The following PRKCA variants were observed in gnomAD, a reference collection of about 807,000 sequenced individuals.
The protein encoded by PRKCA is protein kinase C alpha type.
Under a neutral mutation model 87.0 loss-of-function variants are expected in PRKCA, and 27 were observed. The ratio of observed to expected loss-of-function variants is 0.31; its 90% confidence interval spans 0.23 to 0.43. The LOEUF (loss-of-function observed/expected upper bound fraction) is 0.43, where lower values mean the gene tolerates loss of function less well. Among genes scored for constraint, PRKCA ranks in the 20% least tolerant of loss-of-function variants. The pLI is 1.00. For missense variants in PRKCA, 518 were observed against 852.3 expected (o/e 0.61, Z 4.88); for synonymous variants, 329 against 311.1 (o/e 1.06, Z -0.61).
intron 2 of PRKCA, among the ~76,000 whole-genome samples, chr17:66,391,283 G>A (rs1163438990): frequency 6.6e-6 from 1 of 152,120 alleles, no homozygotes; most frequent in Non-Finnish European, 1.5e-5. Flanking sequence ...TACTTTGTTC[G>A]TTTATTACAC....
intron 2 of PRKCA, among the ~76,000 whole-genome samples, chr17:66,434,899 A>G (rs1742549128): frequency 6.6e-6 from 1 of 152,214 alleles, no homozygotes; most frequent in African/African-American, 2.4e-5. Flanking sequence ...AGAACACAGT[A>G]ACTATCCCAT....
intron 3 of PRKCA, among the ~76,000 whole-genome samples, chr17:66,596,778 T>G (rs1376774438): frequency 2.6e-5 from 2 of 76,090 alleles, no homozygotes; most frequent in East Asian, 3.6e-4. Context: ...CCCCTTCCTG[T>G]GTCCATGTGA....
chr17:66,388,624 C>T (rs914424997), intron 2 of PRKCA, among the ~76,000 whole-genome samples: 1 of 152,142 alleles, frequency 6.6e-6, no homozygotes, highest in Admixed American at 6.5e-5. Flanking sequence ...CCATAGTTCT[C>T]TTGGAGAATT....
At chr17:66,360,426 T>A (rs1908319217) in intron 2 of PRKCA, among the ~76,000 whole-genome samples, 1 of 152,200 alleles carries the variant, frequency 6.6e-6, no homozygotes, top group South Asian at 2.1e-4. Flanking sequence ...TCATAGGCAT[T>A]GCCACAGTAT....
At chr17:66,591,419 A>T (rs1238279606) in intron 3 of PRKCA, among the ~76,000 whole-genome samples, 2 of 151,934 alleles carry the variant, frequency 1.3e-5, no homozygotes, top group African/African-American at 4.8e-5. Flanking sequence ...TTGGTCTCCC[A>T]GGGTGTTAGG....
At chr17:66,445,729 G>T (rs1914001112) in intron 2 of PRKCA, among the ~76,000 whole-genome samples, 1 of 152,170 alleles carries the variant, frequency 6.6e-6, no homozygotes, top group Non-Finnish European at 1.5e-5. Flanking sequence ...GCCAGAGGCA[G>T]AAGTGCTGCT....
At chr17:66,325,744 ATCCTT>A (rs1402930175) in intron 2 of PRKCA, among the ~76,000 whole-genome samples, 2 of 152,080 alleles carry the variant, frequency 1.3e-5, no homozygotes, top group Non-Finnish European at 2.9e-5. Context: ...CTTACTCCGA[ATCCTT>A]TGAGCTACCT....
At chr17:66,645,025 A>G (rs189816018) in intron 4 of PRKCA, among the ~76,000 whole-genome samples, 42 of 152,236 alleles carry the variant, frequency 2.8e-4, no homozygotes, top group Admixed American at 1.9e-3. Flanking sequence ...TAACATTTTC[A>G]TATTATTTTG....
At chr17:66,757,454 A>G (rs1598921034) in intron 13 of PRKCA, among the ~76,000 whole-genome samples, 1 of 152,194 alleles carries the variant, frequency 6.6e-6, no homozygotes, top group East Asian at 1.9e-4. Flanking sequence ...AGCTAGGCAT[A>G]TCATATTCAA....
rs1482468988 is a variant in PRKCA at position 66,803,730 on chromosome 17, G to T, written c.1855-143G>T. 23 of 1,108,374 alleles carry T rather than the reference G, an allele frequency of 2.1e-5. No homozygotes were observed. The highest frequency in any genetic ancestry group is 2.8e-5 in the Non-Finnish European group (22 of 793,452). The allele number at this position is 1,108,374 out of a possible 1,614,324, so 68.7% of individuals were successfully genotyped here. A position where few individuals can be genotyped will look rare whatever the true frequency, so the allele number is the denominator to read the frequency against. ...TGTGCCTGGCTTTTCAATCCAATAG[G>T]CCTGCAAGTCCTCCGAGATTCCTCC... On this transcript the variant is annotated intron_variant, in intron 16 of 16. Coordinates refer to ENST00000413366, the MANE Select transcript of PRKCA (RefSeq NM_002737.3). The surrounding 1 kb of genome is among the most constrained non-coding windows in gnomAD (Gnocchi z 4.4).
At chr17:66,432,101 T>C (rs1485445458) in intron 2 of PRKCA, among the ~76,000 whole-genome samples, 1 of 152,144 alleles carries the variant, frequency 6.6e-6, no homozygotes, top group Non-Finnish European at 1.5e-5. Context: ...CAAGGTAAAT[T>C]TATTACTCAT....
intron 3 of PRKCA, among the ~76,000 whole-genome samples, chr17:66,627,589 A>G (rs1970891035): frequency 1.3e-5 from 2 of 152,210 alleles, no homozygotes; most frequent in African/African-American, 4.8e-5. Context: ...TATACTTGTG[A>G]TGGTGCTTTT....
chr17:66,312,036 C>T (rs1219008915), intron 2 of PRKCA, among the ~76,000 whole-genome samples: 1 of 152,142 alleles, frequency 6.6e-6, no homozygotes, highest in African/African-American at 2.4e-5. Flanking sequence ...GGCTGCGGTG[C>T]AATGGTGCAA....
intron 16 of PRKCA, among the ~76,000 whole-genome samples, chr17:66,793,604 AAAAAAAAAAAAAC>A (rs1975595739): frequency 6.6e-6 from 1 of 151,342 alleles, no homozygotes; most frequent in African/African-American, 2.4e-5. Context: ...AAAAAAAAAA[AAAAAAAAAAAAAC>A]CGGAATGTTC....
At chr17:66,407,711 T>TA (rs112199964) in intron 2 of PRKCA, among the ~76,000 whole-genome samples, 32 of 147,334 alleles carry the variant, frequency 2.2e-4, no homozygotes, top group East Asian at 1.2e-3. Flanking sequence ...ATTTTTTGTT[T>TA]AAAAAAAAAA....
At chr17:66,694,252 G>A (rs1273056980) in intron 8 of PRKCA, among the ~76,000 whole-genome samples, 1 of 152,026 alleles carries the variant, frequency 6.6e-6, no homozygotes, top group African/African-American at 2.4e-5. Context: ...GGGAGGCCAG[G>A]GTGCTGGATC....
chr17:66,569,156 C>G (rs1968988907), intron 3 of PRKCA, among the ~76,000 whole-genome samples: 1 of 151,996 alleles, frequency 6.6e-6, no homozygotes, highest in Non-Finnish European at 1.5e-5. Flanking sequence ...AGAACTAACC[C>G]TAAAGGAAAA....
chr17:66,550,428 A>T (rs559637670), intron 3 of PRKCA, among the ~76,000 whole-genome samples: 6 of 152,184 alleles, frequency 3.9e-5, no homozygotes, highest in Non-Finnish European at 7.3e-5. Flanking sequence ...AGGCAGGTAG[A>T]TCACCTGAGT....
intron 2 of PRKCA, among the ~76,000 whole-genome samples, chr17:66,480,698 T>C (rs534051793): frequency 3.9e-5 from 6 of 152,260 alleles, no homozygotes; most frequent in Admixed American, 2.0e-4. Context: ...CATTCCACCA[T>C]TGATTGAAAC....
Sources: allele counts gnomAD v4.1 joint callset (sites outside exome capture counted in the v4.1 genomes callset), GRCh38; gene constraint gnomAD v4.1.1; non-coding constraint Gnocchi (gnomAD v3.1); transcripts MANE v1.5; gene names NCBI Gene and HGNC (gene_info 2026-07-23, HGNC 2026-07-21).